HSP90B1: variants seen among roughly 807,000 people sequenced by gnomAD.
HSP90B1 encodes heat shock protein 90 beta family member 1.
HSP90B1 carries 27 observed loss-of-function variants against 100.4 expected under a neutral mutation model. The observed-to-expected ratio is 0.27, with a 90% CI of 0.20 to 0.37. The LOEUF (loss-of-function observed/expected upper bound fraction) is 0.37, where lower values mean the gene tolerates loss of function less well. Ranked by LOEUF, HSP90B1 falls within the 10% of genes least tolerant of loss-of-function variation. HSP90B1 has a pLI of 1.00. For missense variants in HSP90B1, 678 were observed against 960.5 expected (o/e 0.71, Z 3.89); for synonymous variants, 304 against 330.8 (o/e 0.92, Z 0.88).
chr12:103,942,169 A>C (rs1206723054), intron 11 of HSP90B1, among the ~76,000 whole-genome samples: 1 of 152,228 alleles, frequency 6.6e-6, no homozygotes, highest in Non-Finnish European at 1.5e-5. Context: ...CCTTTTTATC[A>C]AGCCTTTCAT....
intron 5 of HSP90B1, among the ~76,000 whole-genome samples, chr12:103,934,835 G>A (rs898675513): frequency 6.6e-6 from 1 of 152,210 alleles, no homozygotes; most frequent in African/African-American, 2.4e-5. Flanking sequence ...CCAAGTAGCT[G>A]GGATTACAGG....
At chr12:103,937,609 G>A in intron 5 of HSP90B1, 86 bp from the exon 6 acceptor site, 1 of 711,946 alleles carries the variant, frequency 1.4e-6, no homozygotes, top group East Asian at 2.7e-5. Flanking sequence ...ATACTGAACT[G>A]CTGGCTATTA....
At position 103,930,624 on chromosome 12, in the gene HSP90B1, T is replaced by C; in HGVS notation, c.49+60T>C. On this transcript the variant is annotated intron_variant, in intron 1 of 17. Transcript: ENST00000299767. The surrounding 1 kb of genome is among the most constrained non-coding windows in gnomAD (Gnocchi z 4.4). ...CACACACGCGGCCGCTTCTCGAAGGTCCTGGGGGCGTTGAACGTGGGAGGG... is the reference window on the plus strand; with the variant it reads ...CACACACGCGGCCGCTTCTCGAAGGCCCTGGGGGCGTTGAACGTGGGAGGG... 6.5e-7 allele frequency: 1 copy of C among 1,531,162 alleles called. No homozygotes were observed. The highest frequency in any genetic ancestry group is 2.4e-5 in the East Asian group (1 of 41,898). 94.8% of individuals were successfully genotyped at this position (1,531,162 alleles called of 1,614,324 possible). A position where few individuals can be genotyped will look rare whatever the true frequency, so the allele number is the denominator to read the frequency against.
In HSP90B1 at chr12:103,938,427, G is replaced by C. The variant is rs540321497; in HGVS notation, c.943G>C (p.Glu315Gln). The C allele has an allele frequency of 6.2e-7, 1 of 1,605,284 alleles. No homozygotes were observed. Among genetic ancestry groups the C allele is most frequent in the South Asian group, 1.1e-5 (1 of 90,332 alleles). The change falls in exon 7 of 18, where the codon GAA becomes CAA. Residue 315 changes from glutamate (E) to glutamine (Q), a missense_variant. Physicochemically the swap from Glu to Gln is conservative, Grantham distance 29. Transcript: ENST00000299767. Reference protein sequence around the residue: ...ESDDEAAVEEEEEEKKPKTKK... With the variant: ...ESDDEAAVEEQEEEKKPKTKK... Reference sequence around the variant, plus strand: ...TGATGATGAAGCTGCAGTAGAGGAAGAAGAAGAAGAAAAGAAACCAAAGAC... The same window carrying C: ...TGATGATGAAGCTGCAGTAGAGGAACAAGAAGAAGAAAAGAAACCAAAGAC...
intron 2 of HSP90B1, 77 bp from the exon 3 acceptor site, chr12:103,932,200 G>A (rs1593487082): frequency 2.5e-6 from 3 of 1,215,050 alleles, no homozygotes; most frequent in Non-Finnish European, 3.5e-6. Context: ...AGAGGCCCCT[G>A]TGCTTTCATC....
chr12:103,946,448 G>GA (rs63456460), intron 14 of HSP90B1, among the ~76,000 whole-genome samples, 170 bp from the exon 15 acceptor site: 35,555 of 150,840 alleles, frequency 0.24, 4,405 homozygotes, highest in Admixed American at 0.31. Flanking sequence ...GTATTTATTG[G>GA]AAAAAAAATA....
At chr12:103,947,002 A>G in intron 16 of HSP90B1, 61 bp downstream of exon 16, 4 of 1,531,980 alleles carry the variant, frequency 2.6e-6, no homozygotes, top group Non-Finnish European at 3.5e-6. Flanking sequence ...GTTCTTTCAG[A>G]ATAGGCCTCT....
intron 5 of HSP90B1, among the ~76,000 whole-genome samples, chr12:103,937,244 A>T (rs1465311175): frequency 2.0e-5 from 3 of 152,234 alleles, no homozygotes; most frequent in Admixed American, 1.3e-4. Flanking sequence ...GATAGTGCAG[A>T]TATAAATATA....
rs760017425 is a variant in HSP90B1 at position 103,932,396 on chromosome 12, A to G, written c.272A>G (p.Asn91Ser). 1 of 1,611,780 alleles carries G rather than the reference A, an allele frequency of 6.2e-7. No homozygotes were observed. The highest frequency in any genetic ancestry group is 8.5e-7 in the Non-Finnish European group (1 of 1,178,860). Residue 91 changes from asparagine (N) to serine (S), a missense_variant, in exon 3 of 18, where the codon AAT becomes AGT. Asn to Ser is a conservative substitution (Grantham distance 46, BLOSUM62 1). This residue lies in a region of HSP90B1 where 238 missense variants were observed against 346.7 expected (regional missense o/e 0.69). Transcript: ENST00000299767. ...EVNRMMKLII[N>S]SLYKNKEIFL... ...AACAGAATGATGAAACTTATCATCA[A>G]TTCATTGTATAAAAATAAAGAGGTA...
At chr12:103,934,308 A>T in intron 5 of HSP90B1, 21 bp downstream of exon 5, 1 of 1,547,838 alleles carries the variant, frequency 6.5e-7, no homozygotes, top group Non-Finnish European at 8.9e-7. Flanking sequence ...CCAATTCCTT[A>T]TAAGAATTAA....
intron 8 of HSP90B1, among the ~76,000 whole-genome samples, chr12:103,940,560 C>T (rs1870046934): frequency 6.6e-6 from 1 of 152,144 alleles, no homozygotes; most frequent in African/African-American, 2.4e-5. Flanking sequence ...TCTTAAAACA[C>T]TGTTGGTTCT....
Position 103,941,413 on chromosome 12 carries a change from A to G in HSP90B1, c.1096A>G (p.Ser366Gly), listed in dbSNP as rs1417090011. 5.0e-6 allele frequency: 8 copies of G among 1,611,412 alleles called. No homozygotes were observed. In the African/African-American group the frequency reaches 8.0e-5, roughly 16 times the overall value. ...CTAAGATACCAACTTTCCACAGGAA[A>G]GTGATGACCCCATGGCTTATATTCA... is the stretch of plus-strand genomic sequence containing the variant. ...KAFYKSFSKE[S>G]DDPMAYIHFT... is the part of the protein sequence containing the mutation. The change falls in exon 9 of 18, where the codon AGT (serine) becomes GGT (glycine). Residue 366 changes from serine (S) to glycine (G), a missense_variant. By Grantham distance (56) the Ser-to-Gly change is moderately conservative. Coordinates refer to ENST00000299767, the MANE Select transcript of HSP90B1 (RefSeq NM_003299.3).
chr12:103,934,621 AAGGCATGG>A (rs1869858345), intron 5 of HSP90B1, among the ~76,000 whole-genome samples: 1 of 152,198 alleles, frequency 6.6e-6, no homozygotes, highest in Non-Finnish European at 1.5e-5. Flanking sequence ...ATCCTGAATA[AAGGCATGG>A]AGGCATAGCA....
rs528169940 is a variant in HSP90B1, at chr12:103,942,766, C to G, written c.1614C>G (p.Ile538Met). Residue 538 changes from isoleucine (I) to methionine (M), a missense_variant, in exon 12 of 18, where the codon ATC (isoleucine) becomes ATG (methionine). Around this residue, in one of 8 missense-constraint regions of HSP90B1, gnomAD observed 170 missense variants for 236.7 expected, o/e 0.72. Coordinates refer to ENST00000299767, the MANE Select transcript of HSP90B1 (RefSeq NM_003299.3). ...GAATGAAGGAAAAACAAGACAAAAT[C>G]TACTTCATGGCTGGGTCCAGCAGAA... is the stretch of plus-strand genomic sequence containing the variant. ...VERMKEKQDK[I>M]YFMAGSSRKE... 13 of 1,613,870 alleles carry G rather than the reference C, an allele frequency of 8.1e-6. No homozygotes were observed. In the Admixed American group the frequency reaches 8.3e-5, roughly 10 times the overall value.
intron 2 of HSP90B1, chr12:103,931,871 T>G (rs2722188): frequency 0.67 from 334,041 of 501,276 alleles, 113,852 homozygotes; most frequent in South Asian, 0.84. Context: ...TTATAGAAGA[T>G]ACTTTCAGTT....
chr12:103,937,314 T>G (rs939289101), intron 5 of HSP90B1, among the ~76,000 whole-genome samples: 26 of 152,232 alleles, frequency 1.7e-4, no homozygotes, highest in African/African-American at 6.3e-4. Context: ...GGAATAGTTA[T>G]CTACAATAAT....
intron 2 of HSP90B1, 178 bp downstream of exon 2, chr12:103,931,801 T>G (rs1869772595): frequency 1.5e-6 from 1 of 657,472 alleles, no homozygotes; most frequent in Non-Finnish European, 2.8e-6. Flanking sequence ...TGATGAAAAC[T>G]GAGTGAATTC....
chr12:103,937,716 A>G lies in HSP90B1; in HGVS notation c.765A>G (p.Ala255=). ...TTITLVLKEE[A]SDYLELDTIK... is the part of the protein sequence containing the mutation. Reference sequence around the variant, plus strand: ...GCAGCCTTGTCTTAAAAGAAGAAGCATCTGATTACCTTGAATTGGATACAA... The same window carrying G: ...GCAGCCTTGTCTTAAAAGAAGAAGCGTCTGATTACCTTGAATTGGATACAA... Residue 255 remains alanine (A), a synonymous_variant, in exon 6 of 18, where the codon GCA becomes GCG. Transcript: ENST00000299767. The G allele has an allele frequency of 1.3e-6, 2 of 1,588,006 alleles. No individual in the cohort carries two copies. Among genetic ancestry groups the G allele is most frequent in the Non-Finnish European group, 1.7e-6 (2 of 1,157,870 alleles).
Position 103,947,292 on chromosome 12 carries a change from C to A in HSP90B1, c.2263-19C>A. ...AAATAAATCCAAGGCATTAATGGGC[C>A]CATAAATGTTGTGTTTAGGTGGAAG... On this transcript the variant is annotated intron_variant, in intron 16 of 17. Transcript: ENST00000299767. The A allele has an allele frequency of 6.4e-7, 1 of 1,567,330 alleles. No homozygotes were observed. Among genetic ancestry groups the A allele is most frequent in the East Asian group, 2.3e-5 (1 of 44,222 alleles).
Sources: gnomAD v4.1 joint callset for allele counts (sites outside exome capture counted in the v4.1 genomes callset) on GRCh38, gnomAD v4.1.1 for gene constraint, gnomAD v4.1.1 regional missense constraint, Gnocchi (gnomAD v3.1) non-coding constraint, MANE v1.5 for transcripts, NCBI Gene and HGNC (gene_info 2026-07-23, HGNC 2026-07-21) for gene names.